Variants in CD34 observed in about 807,000 individuals in gnomAD.
CD34 encodes the protein CD34 molecule.
Under a neutral mutation model 40.1 loss-of-function variants are expected in CD34, and 34 were observed. The ratio of observed to expected loss-of-function variants is 0.85; its 90% confidence interval spans 0.65 to 1.13. The LOEUF is 1.13. Ranked by LOEUF, CD34 falls within the 50% of genes most tolerant of loss-of-function variation. CD34 has a pLI of 0.00. For missense variants in CD34, 426 were observed against 466.9 expected (o/e 0.91, Z 0.81); for synonymous variants, 209 against 190.0 (o/e 1.10, Z -0.82).
rs1222073112 is a variant in CD34, at chr1:207,882,215, T to TG, written c.*5522dup. The TG allele has an allele frequency of 6.6e-6, 1 of 152,252 alleles. No individual in the cohort carries two copies. The highest frequency in any genetic ancestry group is 1.5e-5 in the Non-Finnish European group (1 of 68,062). The allele number at this position is 152,252 out of a possible 1,614,324, so 9.4% of individuals were successfully genotyped here. On this transcript the variant is annotated 3_prime_UTR_variant, in exon 8 of 8. Coordinates refer to ENST00000310833, the MANE Select transcript of CD34 (RefSeq NM_001025109.2). ...GGACTTTTGGACTCAAGGAATGACA[T>TG]GGCACCAGGGTGGTATCAGCAGAGA...
intron 1 of CD34, among the ~76,000 whole-genome samples, chr1:207,908,114 T>C (rs978350701): frequency 2.0e-5 from 3 of 152,168 alleles, no homozygotes; most frequent in Non-Finnish European, 2.9e-5. Context: ...CTCATTTTCA[T>C]TTGTTTTCGT....
chr1:207,897,709 A>C, intron 3 of CD34, 136 bp from the exon 4 acceptor site: 1 of 684,976 alleles, frequency 1.5e-6, no homozygotes, highest in Non-Finnish European at 2.6e-6. Flanking sequence ...AGGACATTTA[A>C]AATTTGTCAG....
At position 207,907,586 on chromosome 1, in the gene CD34, A is replaced by C. The variant is rs556184762; in HGVS notation, c.79+3416T>G. Among the ~76,000 whole-genome samples the C allele has an allele frequency of 1.3e-4, 20 of 152,274 alleles. No individual in the cohort carries two copies. In the South Asian group the frequency reaches 3.9e-3, roughly 30 times the overall value. On this transcript the variant is annotated intron_variant, in intron 1 of 7. Transcript: ENST00000310833. ...TAAAGAAGAAGCCTACTTCCCAATT[A>C]AGCCCAAAGGCCTTTTCCGTTGCAT...
intron 5 of CD34, 116 bp downstream of exon 5, chr1:207,889,349 G>A (rs1661980502): frequency 1.3e-6 from 2 of 1,537,852 alleles, no homozygotes; most frequent in East Asian, 2.3e-5. Flanking sequence ...AGCCAGCCAA[G>A]TCCTTCTCCC....
chr1:207,890,397 G>A lies in CD34; in HGVS notation c.598-776C>T, dbSNP rs553268943. ...GACTTTCTCTTCAGTCCGGATGGCA[G>A]ATGGCAGAGAAGGAAATGCCTGAAC... On this transcript the variant is annotated intron_variant, in intron 4 of 7. Transcript: ENST00000310833. 21 of 216,090 alleles carry A rather than the reference G, an allele frequency of 9.7e-5. 1 individual carries two copies. Among genetic ancestry groups the A allele is most frequent in the African/African-American group, 4.5e-4 (19 of 42,692 alleles). The allele number at this position is 216,090 out of a possible 1,614,324, so 13.4% of individuals were successfully genotyped here.
intron 4 of CD34, among the ~76,000 whole-genome samples, chr1:207,895,748 T>TA (rs1413912866): frequency 6.6e-6 from 1 of 152,220 alleles, no homozygotes; most frequent in Non-Finnish European, 1.5e-5. Flanking sequence ...TTCTGGCACA[T>TA]ACCTGTGTGA....
At chr1:207,891,349 C>T (rs956424740) in intron 4 of CD34, among the ~76,000 whole-genome samples, 3 of 152,082 alleles carry the variant, frequency 2.0e-5, no homozygotes, top group Admixed American at 6.6e-5. Flanking sequence ...ATGAATTCCA[C>T]CTTGTCAAAG....
At chr1:207,888,185 A>AGTTCCAAGAAG (rs1661949539) in intron 7 of CD34, 2 of 1,575,342 alleles carry the variant, frequency 1.3e-6, no homozygotes, top group Non-Finnish European at 1.7e-6. Flanking sequence ...CAGCTCCCGC[A>AGTTCCAAGAAG]GGAAAACGGG....
rs367939128 is a variant in CD34, at chr1:207,905,297, G to T, written c.80-5294C>A. Among the ~76,000 whole-genome samples, 306 of 152,244 alleles carry T rather than the reference G, an allele frequency of 2.0e-3. 2 individuals carry two copies. The highest frequency in any genetic ancestry group is 7.1e-3 in the African/African-American group (293 of 41,550). ...ACTACAGGCATGTGCCACCATGCCC[G>T]GCTAATTTTTGTATTTTTAGTAGAG... On this transcript the variant is annotated intron_variant, in intron 1 of 7. Transcript: ENST00000310833.
At chr1:207,895,023 A>C (rs1662119803) in intron 4 of CD34, among the ~76,000 whole-genome samples, 2 of 152,210 alleles carry the variant, frequency 1.3e-5, no homozygotes, top group Non-Finnish European at 2.9e-5. Context: ...CAAGGATGTG[A>C]TGCTCGGGGA....
In CD34 at chr1:207,889,557, T is replaced by A; in HGVS notation, c.662A>T (p.Asp221Val). The A allele has an allele frequency of 6.2e-7, 1 of 1,614,152 alleles. No homozygotes were observed. Among genetic ancestry groups the A allele is most frequent in the East Asian group, 2.2e-5 (1 of 44,888 alleles). ...GCATACCTGGGCCCCAGCATCAGCA[T>A]CAGCCTGCTCCTCCCCACACAGCAC... Reference protein sequence around the residue: ...ARVLCGEEQADADAGAQVCSL... With the variant: ...ARVLCGEEQAVADAGAQVCSL... Residue 221 changes from aspartate to valine, a missense_variant, in exon 5 of 8, where the codon GAT (aspartate) becomes GTT (valine). Transcript: ENST00000310833.
chr1:207,898,025 T>G (rs979213715), intron 3 of CD34, among the ~76,000 whole-genome samples: 1 of 142,910 alleles, frequency 7.0e-6, no homozygotes, highest in Non-Finnish European at 1.5e-5. Context: ...ATTCCCATTT[T>G]GGCTCTTTTA....
rs1661820137 is a variant in CD34, at chr1:207,882,028, C to T, written c.*5710G>A. 6.6e-6 allele frequency: 1 copy of T among 152,198 alleles called. No individual in the cohort carries two copies. Among genetic ancestry groups the T allele is most frequent in the Admixed American group, 6.5e-5 (1 of 15,284 alleles). The allele number at this position is 152,198 out of a possible 1,614,324, so 9.4% of individuals were successfully genotyped here. A position where few individuals can be genotyped will look rare whatever the true frequency, so the allele number is the denominator to read the frequency against. ...GTCTCATGGCTTGTAATTTCCTCTC[C>T]TCTCTCTTATATTCGACTTGAACTT... On this transcript the variant is annotated 3_prime_UTR_variant, in exon 8 of 8. Coordinates refer to ENST00000310833, the MANE Select transcript of CD34 (RefSeq NM_001025109.2).
chr1:207,901,577 GC>G (rs1176594674), intron 1 of CD34, among the ~76,000 whole-genome samples: 1 of 152,226 alleles, frequency 6.6e-6, no homozygotes, highest in Non-Finnish European at 1.5e-5. Flanking sequence ...GGGGCCAGGA[GC>G]CATCTCTTCC....
At chr1:207,905,023 G>A (rs1036366598) in intron 1 of CD34, among the ~76,000 whole-genome samples, 1 of 152,218 alleles carries the variant, frequency 6.6e-6, no homozygotes, top group Non-Finnish European at 1.5e-5. Flanking sequence ...ATATTGTTGA[G>A]GGTCTAGTGT....
chr1:207,890,241 G>A, intron 4 of CD34: 1 of 995,492 alleles, frequency 1.0e-6, no homozygotes, highest in Non-Finnish European at 1.2e-6. Flanking sequence ...TTGCTGACTG[G>A]GCCATCAGAC....
chr1:207,882,005 C>G lies in CD34; in HGVS notation c.*5733G>C, dbSNP rs138693803. ...TGTAGAACCTGCCTAACTCTCCAGTCTCATGGCTTGTAATTTCCTCTCCTC... is the reference window on the plus strand; with the variant it reads ...TGTAGAACCTGCCTAACTCTCCAGTGTCATGGCTTGTAATTTCCTCTCCTC... On this transcript the variant is annotated 3_prime_UTR_variant, in exon 8 of 8. Transcript: ENST00000310833. 1.4e-4 allele frequency: 21 copies of G among 152,154 alleles called. No homozygotes were observed. The East Asian group carries it at 3.7e-3, about 27-fold the overall frequency. The allele number at this position is 152,154 out of a possible 1,614,324, so 9.4% of individuals were successfully genotyped here. A position where few individuals can be genotyped will look rare whatever the true frequency, so the allele number is the denominator to read the frequency against.
In CD34 at chr1:207,902,101, AG is replaced by A. The variant is rs530337636; in HGVS notation, c.80-2099del. ...CTGCTTCCTTCCACAACCTGCTGCA[AG>A]CAGATTGCTATTAATGGTGACTGCA... On this transcript the variant is annotated intron_variant, in intron 1 of 7. Coordinates refer to ENST00000310833, the MANE Select transcript of CD34 (RefSeq NM_001025109.2). Among the ~76,000 whole-genome samples, 8 of 152,320 alleles carry A rather than the reference AG, an allele frequency of 5.3e-5. No homozygotes were observed. The South Asian group carries it at 1.7e-3, about 32-fold the overall frequency.
At chr1:207,888,898 C>T (rs1219168492) in intron 6 of CD34, 52 bp from the exon 7 acceptor site, 2 of 1,523,580 alleles carry the variant, frequency 1.3e-6, no homozygotes, top group South Asian at 1.2e-5. Context: ...AAAGTGGAGC[C>T]CAGCCCGCTC....
Sources: gnomAD v4.1 joint callset for allele counts (sites outside exome capture counted in the v4.1 genomes callset) on GRCh38, gnomAD v4.1.1 for gene constraint, MANE v1.5 for transcripts, NCBI Gene and HGNC (gene_info 2026-07-23, HGNC 2026-07-21) for gene names.